RNF4: variants seen among roughly 807,000 people sequenced by gnomAD.
RNF4 encodes ring finger protein 4.
In RNF4, 7 loss-of-function variants were observed where a neutral mutation model predicts 24.3. That is an observed-to-expected ratio of 0.29 (90% CI 0.16 to 0.54). The LOEUF (loss-of-function observed/expected upper bound fraction) is 0.54. Ranked by LOEUF, RNF4 falls within the 20% of genes least tolerant of loss-of-function variation. The pLI is 0.95. For missense variants in RNF4, 209 were observed against 248.5 expected (o/e 0.84, Z 1.07); for synonymous variants, 83 against 84.3 (o/e 0.98, Z 0.09).
At chr4:2,493,296 G>C (rs1735635593) in intron 2 of RNF4, among the ~76,000 whole-genome samples, 1 of 152,114 alleles carries the variant, frequency 6.6e-6, no homozygotes, top group South Asian at 2.1e-4. Flanking sequence ...TAAAGGCATG[G>C]AGGGGTCGAT....
intron 1 of RNF4, among the ~76,000 whole-genome samples, chr4:2,485,014 C>T (rs2108756844): frequency 6.6e-6 from 1 of 152,294 alleles, no homozygotes; most frequent in East Asian, 1.9e-4. Context: ...CCTTTGTTGT[C>T]CTCCACACAG....
intron 1 of RNF4, chr4:2,469,980 C>A (rs1183530102): frequency 6.6e-6 from 1 of 152,262 alleles, no homozygotes; most frequent in Non-Finnish European, 1.5e-5. Context: ...GTAAACACCG[C>A]TTTTCCGCCT....
Position 2,513,826 on chromosome 4 carries a change from C to T in RNF4, c.*7C>T. 1 of 1,613,876 alleles carries T rather than the reference C, an allele frequency of 6.2e-7. No homozygotes were observed. The highest frequency in any genetic ancestry group is 8.5e-7 in the Non-Finnish European group (1 of 1,179,892). On this transcript the variant is annotated 3_prime_UTR_variant, in exon 8 of 8. Coordinates refer to ENST00000314289, the MANE Select transcript of RNF4 (RefSeq NM_002938.5). ...CCACCCCATTTATATATGAAGTATT[C>T]AGAGCCCCCCAGGAGAGACGGATGG... is the stretch of plus-strand genomic sequence containing the variant.
chr4:2,513,842 A>G lies in RNF4; in HGVS notation c.*23A>G, dbSNP rs1302177193. On this transcript the variant is annotated 3_prime_UTR_variant, in exon 8 of 8. Transcript: ENST00000314289. Reference sequence around the variant, plus strand: ...TGAAGTATTCAGAGCCCCCCAGGAGAGACGGATGGACAGACAGACAGCCAG... The same window carrying G: ...TGAAGTATTCAGAGCCCCCCAGGAGGGACGGATGGACAGACAGACAGCCAG... The G allele has an allele frequency of 6.2e-7, 1 of 1,613,174 alleles. No homozygotes were observed. Among genetic ancestry groups the G allele is most frequent in the Non-Finnish European group, 8.5e-7 (1 of 1,179,474 alleles).
rs372938716 is a variant in RNF4, at chr4:2,514,165, C to T, written c.*346C>T. The T allele has an allele frequency of 1.2e-4, 32 of 269,714 alleles. No individual in the cohort carries two copies. The highest frequency in any genetic ancestry group is 4.8e-4 in the African/African-American group (22 of 46,308). 16.7% of individuals were successfully genotyped at this position (269,714 alleles called of 1,614,324 possible). On this transcript the variant is annotated 3_prime_UTR_variant, in exon 8 of 8. Transcript: ENST00000314289. ...TTTGGAAAGTTTGCCCCAGCTTTCC[C>T]GGGCACACCACCTTTTGTCCCAAGT...
At chr4:2,510,501 G>GC (rs1351497307) in intron 4 of RNF4, among the ~76,000 whole-genome samples, 1 of 152,222 alleles carries the variant, frequency 6.6e-6, no homozygotes, top group African/African-American at 2.4e-5. Flanking sequence ...GTTTCTTCAG[G>GC]ATGCAGCTGT....
chr4:2,484,047 G>C (rs918255262), intron 1 of RNF4, among the ~76,000 whole-genome samples: 3 of 95,022 alleles, frequency 3.2e-5, no homozygotes, highest in Non-Finnish European at 6.1e-5. Flanking sequence ...GGCTGGTCTC[G>C]AACTCCTGGC....
intron 1 of RNF4, among the ~76,000 whole-genome samples, chr4:2,488,457 A>G (rs902079244): frequency 7.9e-5 from 12 of 152,092 alleles, no homozygotes; most frequent in Non-Finnish European, 7.4e-5. Context: ...CGTCTCAAAA[A>G]CAACAACAAC....
chr4:2,490,646 G>A (rs1453646303), intron 2 of RNF4, 144 bp downstream of exon 2: 2 of 800,552 alleles, frequency 2.5e-6, no homozygotes, highest in East Asian at 2.7e-5. Context: ...GGAGCTTTCT[G>A]GTGGTTACAT....
At chr4:2,508,043 G>T (rs942919188) in intron 4 of RNF4, among the ~76,000 whole-genome samples, 1 of 151,918 alleles carries the variant, frequency 6.6e-6, no homozygotes, top group African/African-American at 2.4e-5. Flanking sequence ...ACGGGATCTC[G>T]CCGTGTTGCC....
At chr4:2,488,723 T>C (rs1735490196) in intron 1 of RNF4, among the ~76,000 whole-genome samples, 1 of 152,180 alleles carries the variant, frequency 6.6e-6, no homozygotes, top group African/African-American at 2.4e-5. Flanking sequence ...TTCTGTTCTA[T>C]AGATAAGGAA....
intron 1 of RNF4, among the ~76,000 whole-genome samples, chr4:2,487,409 C>G (rs1309780410): frequency 1.3e-5 from 2 of 152,160 alleles, no homozygotes; most frequent in African/African-American, 4.8e-5. Context: ...CCTTAGCCTC[C>G]TACGTAGCTG....
At chr4:2,508,961 C>CGCCTAGGCT (rs1383058965) in intron 4 of RNF4, among the ~76,000 whole-genome samples, 2 of 115,898 alleles carry the variant, frequency 1.7e-5, no homozygotes, top group Admixed American at 2.5e-4. Flanking sequence ...TCACTATTGT[C>CGCCTAGGCT]GCCTAGGCTG....
At chr4:2,482,074 A>G (rs1294932753) in intron 1 of RNF4, among the ~76,000 whole-genome samples, 1 of 152,076 alleles carries the variant, frequency 6.6e-6, no homozygotes, top group Non-Finnish European at 1.5e-5. Flanking sequence ...GACAGCTTGT[A>G]TTGTCCCTTA....
At chr4:2,499,065 C>T (rs1578517003) in intron 3 of RNF4, among the ~76,000 whole-genome samples, 1 of 150,868 alleles carries the variant, frequency 6.6e-6, no homozygotes, top group Non-Finnish European at 1.5e-5. Flanking sequence ...GGCGTGGTGG[C>T]GGGCGCCTGT....
Position 2,500,747 on chromosome 4 carries a change from T to TG in RNF4, c.204+11dup. The TG allele has an allele frequency of 6.2e-7, 1 of 1,613,606 alleles. No individual in the cohort carries two copies. The highest frequency in any genetic ancestry group is 8.5e-7 in the Non-Finnish European group (1 of 1,179,656). Reference sequence around the variant, plus strand: ...ACAATGACTCTGTTGTGGTAAGTGTTGGAGTGTGAGAGTCGGCTGTTTCTT... The same window carrying TG: ...ACAATGACTCTGTTGTGGTAAGTGTTGGGAGTGTGAGAGTCGGCTGTTTCTT... On this transcript the variant is annotated intron_variant, in intron 4 of 7. Coordinates refer to ENST00000314289, the MANE Select transcript of RNF4 (RefSeq NM_002938.5).
chr4:2,488,759 A>G (rs2108759863), intron 1 of RNF4, among the ~76,000 whole-genome samples: 1 of 152,308 alleles, frequency 6.6e-6, no homozygotes, highest in Non-Finnish European at 1.5e-5. Flanking sequence ...GTTCAATGCC[A>G]TGCCCCAAGG....
At chr4:2,479,471 A>G (rs967681275) in intron 1 of RNF4, among the ~76,000 whole-genome samples, 15 of 152,044 alleles carry the variant, frequency 9.9e-5, no homozygotes, top group Non-Finnish European at 2.9e-5. Flanking sequence ...AGGTAATTGA[A>G]TCATGGGGGC....
chr4:2,470,635 A>G (rs1280986586), intron 1 of RNF4, among the ~76,000 whole-genome samples: 7 of 152,208 alleles, frequency 4.6e-5, no homozygotes, highest in Admixed American at 3.3e-4. Flanking sequence ...ATGTATGCAC[A>G]TCTGTGCTTT....
Sources: allele counts gnomAD v4.1 joint callset (sites outside exome capture counted in the v4.1 genomes callset), GRCh38; gene constraint gnomAD v4.1.1; transcripts MANE v1.5; gene names NCBI Gene and HGNC (gene_info 2026-07-23, HGNC 2026-07-21).